Variants in POLRMT observed in about 807,000 individuals in gnomAD.
POLRMT encodes DNA-directed RNA polymerase, mitochondrial.
A neutral mutation model predicts 132.2 loss-of-function variants in POLRMT; 114 were observed. The ratio of observed to expected loss-of-function variants is 0.86; its 90% CI spans 0.74 to 1.01. POLRMT has a LOEUF of 1.01. Among genes scored for constraint, POLRMT ranks in the 50% least tolerant of loss-of-function variants. The probability of loss-of-function intolerance (pLI) is 0.00; values close to 1 mark genes in which losing one functional copy is unlikely to be tolerated. For synonymous variants in POLRMT, 1,020 were observed against 773.4 expected, an observed-to-expected ratio of 1.32 and a Z score of -5.29; for missense variants, 2,003 against 1,729.1, an observed-to-expected ratio of 1.16 and a Z score of -2.81.
Position 624,708 on chromosome 19 carries a change from C to T in POLRMT, c.1140+11G>A, listed in dbSNP as rs760856982. Reference sequence around the variant, plus strand: ...AAGGACTGAAGTCTGCCGGGGCCCACGTGGGCTCACCTTGGCATACACGTC... The same window carrying T: ...AAGGACTGAAGTCTGCCGGGGCCCATGTGGGCTCACCTTGGCATACACGTC... On this transcript the variant is annotated intron_variant, in intron 5 of 20. Coordinates refer to ENST00000588649, the MANE Select transcript of POLRMT (RefSeq NM_005035.4). The T allele has an allele frequency of 8.7e-6, 14 of 1,609,124 alleles. No individual in the cohort carries two copies. The East Asian group carries it at 1.1e-4, about 13-fold the overall frequency.
At chr19:628,782 A>G (rs574899161) in intron 3 of POLRMT, among the ~76,000 whole-genome samples, 13 of 152,148 alleles carry the variant, frequency 8.5e-5, no homozygotes, top group Admixed American at 3.3e-4. Flanking sequence ...AGGGGGGCAG[A>G]TCACGAGGTC....
At position 619,606 on chromosome 19, in the gene POLRMT, C is replaced by A. The variant is rs1984337295; in HGVS notation, c.3046G>T (p.Glu1016Ter). Residue 1016 changes from glutamate (E) to a stop codon, truncating the protein, a stop_gained, in exon 13 of 21, where the codon GAG becomes TAG. Transcript: ENST00000588649. LOFTEE classifies it high-confidence loss of function. ...CGCACCTGGGGAAAGTCGCTCAGCT[C>A]CCGGAGGCGCTTCTCAATCTGCAGG... is the stretch of plus-strand genomic sequence containing the variant. ...GRLQIEKRLR[E>*]LSDFPQEFVW... 6.2e-7 allele frequency: 1 copy of A among 1,611,054 alleles called. No individual in the cohort carries two copies.
intron 13 of POLRMT, 40 bp downstream of exon 13, chr19:619,546 G>C (rs769344922): frequency 5.6e-6 from 9 of 1,608,384 alleles, no homozygotes; most frequent in Non-Finnish European, 6.8e-6. Flanking sequence ...TTAAATGGCA[G>C]TGAAACCAAC....
At position 622,665 on chromosome 19, in the gene POLRMT, G is replaced by A. The variant is rs1365282558; in HGVS notation, c.1543C>T (p.Gln515Ter). The A allele has an allele frequency of 3.7e-6, 6 of 1,606,554 alleles. No individual in the cohort carries two copies. The highest frequency in any genetic ancestry group is 1.1e-5 in the South Asian group (1 of 89,958). ...ACCTGGCCACTGACCCGCTGCCTCT[G>A]CACCACGTGCCGGCTGAAAGTGCGC... Reference protein sequence around the residue: ...SARTFSRHVVQRQRVSGQVQA... With the variant: ...SARTFSRHVV The change falls in exon 8 of 21, where the codon CAG becomes TAG. Residue 515 changes from glutamine to a stop codon, truncating the protein, a stop_gained. Transcript: ENST00000588649. LOFTEE classifies it high-confidence loss of function.
intron 3 of POLRMT, among the ~76,000 whole-genome samples, chr19:627,209 T>A (rs1985088905): frequency 6.8e-6 from 1 of 147,008 alleles, no homozygotes; most frequent in South Asian, 2.2e-4. Flanking sequence ...TGGAGTGCAG[T>A]GGCTCGATCT....
chr19:626,886 T>TACACACACACACAC (rs143170943), intron 3 of POLRMT, among the ~76,000 whole-genome samples: 12,687 of 143,576 alleles, frequency 0.088, 736 homozygotes, highest in East Asian at 0.18. Flanking sequence ...TCTTAAAATA[T>TACACACACACACAC]ACACACACAC....
At position 619,187 on chromosome 19, in the gene POLRMT, A is replaced by G; in HGVS notation, c.3153+23T>C. On this transcript the variant is annotated intron_variant, in intron 14 of 20. Coordinates refer to ENST00000588649, the MANE Select transcript of POLRMT (RefSeq NM_005035.4). ...CCACTTGCTTAGGGAGTCCTGGCCG[A>G]GCGGGGACAGGACAGGACGTACCTG... 5 of 1,610,048 alleles carry G rather than the reference A, an allele frequency of 3.1e-6. 1 individual carries two copies. The South Asian group carries it at 5.5e-5, about 18-fold the overall frequency.
rs377522470 is a variant in POLRMT, at chr19:620,321, A to G, written c.2763+44T>C. 2.3e-3 allele frequency: 3,532 copies of G among 1,516,800 alleles called. 7 individuals carry two copies. Among genetic ancestry groups the G allele is most frequent in the Non-Finnish European group, 2.9e-3 (3,258 of 1,129,164 alleles). The allele number at this position is 1,516,800 out of a possible 1,614,324, so 94.0% of individuals were successfully genotyped here. A position where few individuals can be genotyped will look rare whatever the true frequency, so the allele number is the denominator to read the frequency against. ...CACCCTCAAGTCGAGCCCCAGGCCC[A>G]GTGCACACTGCACGGCCTCGGGGGC... is the stretch of plus-strand genomic sequence containing the variant. On this transcript the variant is annotated intron_variant, in intron 11 of 20. Transcript: ENST00000588649.
chr19:632,089 T>G (rs1159742892), intron 2 of POLRMT, among the ~76,000 whole-genome samples: 3 of 148,108 alleles, frequency 2.0e-5, no homozygotes, highest in African/African-American at 7.4e-5. Flanking sequence ...CCTTGACCTC[T>G]TGATCCGCCC....
intron 19 of POLRMT, 32 bp from the exon 20 acceptor site, chr19:617,512 A>C: frequency 4.4e-6 from 6 of 1,353,614 alleles, no homozygotes; most frequent in South Asian, 1.2e-5. Flanking sequence ...GGTGAGGCTG[A>C]GGCCAGGTTT....
intron 2 of POLRMT, among the ~76,000 whole-genome samples, 184 bp from the exon 3 acceptor site, chr19:630,352 C>A (rs1985328008): frequency 6.6e-6 from 1 of 152,088 alleles, no homozygotes; most frequent in South Asian, 2.1e-4. Context: ...ACACACGCAC[C>A]CCACCACCTC....
chr19:623,727 ACG>A, intron 5 of POLRMT, 124 bp from the exon 6 acceptor site: 1 of 1,219,262 alleles, frequency 8.2e-7, no homozygotes, highest in Non-Finnish European at 1.1e-6. Flanking sequence ...GCTATCGCTG[ACG>A]CGGGGAAAGG....
At position 619,743 on chromosome 19, in the gene POLRMT, T is replaced by C; in HGVS notation, c.2909A>G (p.Asp970Gly). The C allele has an allele frequency of 6.3e-7, 1 of 1,590,092 alleles. No individual in the cohort carries two copies. The highest frequency in any genetic ancestry group is 8.6e-7 in the Non-Finnish European group (1 of 1,168,098). ...AAQVEVFRRQ[D>G]AQRGMRVAQV... ...TGCCACCCGCATGCCCCGCTGGGCG[T>C]CCTGCCTACGGAACACCTCCACCTG... The change falls in exon 13 of 21, where the codon GAC becomes GGC. Residue 970 changes from aspartate (D) to glycine (G), a missense_variant. Asp to Gly is a moderately conservative substitution (Grantham distance 94, BLOSUM62 -1). Transcript: ENST00000588649.
At chr19:629,479 T>C in intron 3 of POLRMT, 61 bp downstream of exon 3, 1 of 1,430,376 alleles carries the variant, frequency 7.0e-7, no homozygotes, top group East Asian at 2.5e-5. Flanking sequence ...CCAGTCTAAA[T>C]GAGGGCAAGT....
chr19:625,602 T>A (rs73503950), intron 3 of POLRMT: 221 of 212,482 alleles, frequency 1.0e-3, no homozygotes, highest in African/African-American at 5.0e-3. Flanking sequence ...CGATTTGTTT[T>A]AATCTTTGTA....
Position 617,236 on chromosome 19 carries a change from A to G in POLRMT, c.*38T>C. ...AGACAGTGGCTCCTGGGGGTGGCAAAAGAGCTTTATTTACACACTGACAAG... is the reference window on the plus strand; with the variant it reads ...AGACAGTGGCTCCTGGGGGTGGCAAGAGAGCTTTATTTACACACTGACAAG... On this transcript the variant is annotated 3_prime_UTR_variant, in exon 21 of 21. Transcript: ENST00000588649. 6.2e-7 allele frequency: 1 copy of G among 1,610,116 alleles called. No individual in the cohort carries two copies. Among genetic ancestry groups the G allele is most frequent in the Non-Finnish European group, 8.5e-7 (1 of 1,178,310 alleles).
At position 633,428 on chromosome 19, in the gene POLRMT, C is replaced by T. The variant is rs1416604762; in HGVS notation, c.85G>A (p.Glu29Lys). ...TGGCCGTCTCCCTTTGTGTTACCTT[C>T]TTTGCCGGGGAGTCCCGGGCGGCCG... is the stretch of plus-strand genomic sequence containing the variant. Reference protein sequence around the residue: ...PCGRPGLPGKEGTAGGVCGPR... With the variant: ...PCGRPGLPGKKGTAGGVCGPR... The change falls in exon 1 of 21, where the codon GAA becomes AAA. Residue 29 changes from glutamate to lysine, a missense_variant. Coordinates refer to ENST00000588649, the MANE Select transcript of POLRMT (RefSeq NM_005035.4). 8 of 1,547,480 alleles carry T rather than the reference C, an allele frequency of 5.2e-6. No homozygotes were observed. The East Asian group carries it at 7.5e-5, about 15-fold the overall frequency.
At position 629,884 on chromosome 19, in the gene POLRMT, G is replaced by A; in HGVS notation, c.478C>T (p.Leu160=). The change falls in exon 3 of 21, where the codon CTG becomes TTG. Residue 160 remains leucine (L), a synonymous_variant. Coordinates refer to ENST00000588649, the MANE Select transcript of POLRMT (RefSeq NM_005035.4). ...CTCAGGAGCCGGGGCTCCACCTGCA[G>A]GCGCCTGGTCAGCGCCTTGAACTCC... is the stretch of plus-strand genomic sequence containing the variant. ...SGEFKALTRR[L]QVEPRLLSKQ... The A allele has an allele frequency of 6.2e-7, 1 of 1,611,734 alleles. No homozygotes were observed. Among genetic ancestry groups the A allele is most frequent in the East Asian group, 2.2e-5 (1 of 44,856 alleles).
intron 10 of POLRMT, 108 bp downstream of exon 10, chr19:620,950 G>A (rs1480483806): frequency 9.8e-6 from 4 of 406,492 alleles, no homozygotes; most frequent in Admixed American, 8.5e-5. Flanking sequence ...GGGGAGGGGA[G>A]GAGGAAGACG....
Sources: allele counts gnomAD v4.1 joint callset (sites outside exome capture counted in the v4.1 genomes callset), GRCh38; gene constraint gnomAD v4.1.1; transcripts MANE v1.5; gene names NCBI Gene and HGNC (gene_info 2026-07-23, HGNC 2026-07-21).